GPI: variants seen among roughly 807,000 people sequenced by gnomAD.
GPI encodes D-hexose-6-phosphate anomerase.
GPI carries 56 observed loss-of-function variants against 75.8 expected under a neutral mutation model. The observed-to-expected ratio is 0.74, with a 90% CI of 0.60 to 0.92. GPI has a LOEUF of 0.92. Among genes scored for constraint, GPI ranks in the 40% least tolerant of loss-of-function variants. GPI has a pLI of 0.00. For synonymous variants in GPI, 288 were observed against 285.4 expected, an observed-to-expected ratio of 1.01 and a Z score of -0.09; for missense variants, 638 against 741.0, an observed-to-expected ratio of 0.86 and a Z score of 1.61.
intron 12 of GPI, among the ~76,000 whole-genome samples, chr19:34,395,621 T>G (rs1190281331): frequency 6.6e-6 from 1 of 152,158 alleles, no homozygotes; most frequent in South Asian, 2.1e-4. Context: ...TGACCGATTT[T>G]GTCTTTAGGG....
At chr19:34,381,439 T>C (rs770735736) in intron 8 of GPI, 27 bp from the exon 9 acceptor site, 1 of 1,530,734 alleles carries the variant, frequency 6.5e-7, no homozygotes, top group Non-Finnish European at 9.0e-7. Context: ...TCTTTGCATT[T>C]CTCTCCCTTT....
Position 34,381,175 on chromosome 19 carries a change from G to A in GPI, c.751-291G>A, listed in dbSNP as rs1264431424. ...CCTGGGTGAGAGCTGTTGCAGAGCA[G>A]TGTGTGGGCCAGGTCCTCACACGGG... On this transcript the variant is annotated intron_variant, in intron 8 of 17. Transcript: ENST00000356487. 8 of 503,072 alleles carry A rather than the reference G, an allele frequency of 1.6e-5. No individual in the cohort carries two copies. In the Admixed American group the frequency reaches 2.6e-4, roughly 16 times the overall value. 31.2% of individuals were successfully genotyped at this position (503,072 alleles called of 1,614,324 possible).
At chr19:34,396,229 C>T (rs990044783) in intron 12 of GPI, 72 bp from the exon 13 acceptor site, 20 of 1,560,338 alleles carry the variant, frequency 1.3e-5, no homozygotes, top group Middle Eastern at 1.7e-4. Context: ...TGAGCCACTG[C>T]GCTCAGCCTC....
upstream of GPI, among the ~76,000 whole-genome samples, chr19:34,363,072 C>T (rs2074309590): frequency 6.6e-6 from 1 of 152,074 alleles, no homozygotes; most frequent in Non-Finnish European, 1.5e-5. Flanking sequence ...ATCACTTGCA[C>T]CCAAGGATTC....
Position 34,368,578 on chromosome 19 carries a change from C to T in GPI, c.283-5C>T. On this transcript the variant is annotated splice_polypyrimidine_tract_variant and splice_region_variant and intron_variant, in intron 3 of 17. Coordinates refer to ENST00000356487, the MANE Select transcript of GPI (RefSeq NM_000175.5). The stretch of plus-strand genomic sequence containing the variant: ...CAGTCTTTATATCCTGACCGTAATC[C>T]CCAGGGTCGAGCCGTGCTGCACGTG... 6.2e-7 allele frequency: 1 copy of T among 1,614,140 alleles called. No individual in the cohort carries two copies. Among genetic ancestry groups the T allele is most frequent in the Non-Finnish European group, 8.5e-7 (1 of 1,180,018 alleles).
intron 3 of GPI, 91 bp from the exon 4 acceptor site, chr19:34,368,492 A>T: frequency 2.8e-6 from 4 of 1,420,550 alleles, no homozygotes; most frequent in Non-Finnish European, 4.0e-6. Flanking sequence ...TCTAGTGGAT[A>T]GAGGGCCGAG....
At chr19:34,376,880 C>T (rs1458701064) in intron 4 of GPI, among the ~76,000 whole-genome samples, 5 of 151,786 alleles carry the variant, frequency 3.3e-5, no homozygotes, top group African/African-American at 1.2e-4. Context: ...AAACCTCGTC[C>T]CTACTAAAAA....
upstream of GPI, chr19:34,364,974 C>T: frequency 2.6e-6 from 4 of 1,529,608 alleles, no homozygotes; most frequent in Non-Finnish European, 2.6e-6. Context: ...CCCACCCTCC[C>T]CACTGCCACT....
At chr19:34,383,204 C>T (rs373443928) in intron 9 of GPI, among the ~76,000 whole-genome samples, 16 of 152,276 alleles carry the variant, frequency 1.1e-4, no homozygotes, top group East Asian at 9.7e-4. Context: ...GGTCAGCGCA[C>T]GCCACAGGGC....
chr19:34,366,042 GAGTAACTTACGGC>G, intron 1 of GPI: 1 of 617,786 alleles, frequency 1.6e-6, no homozygotes. Flanking sequence ...ATGGGTGCCT[GAGTAACTTACGGC>G]AGAAAGTGGA....
At chr19:34,395,845 G>A (rs1386611274) in intron 12 of GPI, among the ~76,000 whole-genome samples, 1 of 152,152 alleles carries the variant, frequency 6.6e-6, no homozygotes, top group Non-Finnish European at 1.5e-5. Flanking sequence ...GGTGCAGGAA[G>A]GAGCAGGATT....
intron 9 of GPI, among the ~76,000 whole-genome samples, chr19:34,391,926 G>T (rs1216160476): frequency 2.1e-3 from 1 of 484 alleles, no homozygotes; most frequent in Non-Finnish European, 5.2e-3. Flanking sequence ...GAGGATCTGG[G>T]TCTGTCATGT....
At position 34,365,235 on chromosome 19, in the gene GPI, G is replaced by T; in HGVS notation, c.-32G>T. 6.8e-7 allele frequency: 1 copy of T among 1,462,512 alleles called. No homozygotes were observed. The allele number at this position is 1,462,512 out of a possible 1,614,324, so 90.6% of individuals were successfully genotyped here. A position where few individuals can be genotyped will look rare whatever the true frequency, so the allele number is the denominator to read the frequency against. On this transcript the variant is annotated 5_prime_UTR_variant, in exon 1 of 18. Transcript: ENST00000356487. ...GCCGGCGCTCCTTCCTCCTCGGCTC[G>T]CGTCTCACTCAGTGTACCTTCTAGT...
chr19:34,365,468 G>A (rs1453992799), intron 1 of GPI, 80 bp downstream of exon 1: 2 of 1,510,172 alleles, frequency 1.3e-6, no homozygotes, highest in Admixed American at 2.0e-5. Context: ...GGAGGCGGGG[G>A]CAGCGGTGCC....
chr19:34,399,703 T>C lies in GPI; in HGVS notation c.1475-16T>C. On this transcript the variant is annotated splice_polypyrimidine_tract_variant and intron_variant, in intron 16 of 17. Transcript: ENST00000356487. Reference sequence around the variant, plus strand: ...GCTTGTGGAGCCCTGATGTGCCCTGTCTGTCACTTCTGCAGCCATGTATGA... The same window carrying C: ...GCTTGTGGAGCCCTGATGTGCCCTGCCTGTCACTTCTGCAGCCATGTATGA... 2 of 1,614,086 alleles carry C rather than the reference T, an allele frequency of 1.2e-6. No individual in the cohort carries two copies. Among genetic ancestry groups the C allele is most frequent in the South Asian group, 2.2e-5 (2 of 91,076 alleles).
At chr19:34,381,415 C>T (rs2074649444) in intron 8 of GPI, 51 bp from the exon 9 acceptor site, 5 of 1,255,684 alleles carry the variant, frequency 4.0e-6, no homozygotes, top group Non-Finnish European at 5.9e-6. Context: ...GTTCCCATCC[C>T]GCTAGCAAAT....
In GPI at chr19:34,400,341, A is replaced by T; in HGVS notation, c.*305A>T. The T allele has an allele frequency of 1.5e-5, 9 of 595,076 alleles. No homozygotes were observed. The highest frequency in any genetic ancestry group is 2.4e-5 in the Non-Finnish European group (8 of 335,040). The allele number at this position is 595,076 out of a possible 1,614,324, so 36.9% of individuals were successfully genotyped here. ...ATGCCACGGAGGAGGTTGTAGGCTC[A>T]GCCTCTGATTTTTTTTTTCCTGTGA... is the stretch of plus-strand genomic sequence containing the variant. On this transcript the variant is annotated 3_prime_UTR_variant, in exon 18 of 18. Coordinates refer to ENST00000356487, the MANE Select transcript of GPI (RefSeq NM_000175.5).
upstream of GPI, chr19:34,365,159 C>T: frequency 3.2e-6 from 4 of 1,238,148 alleles, no homozygotes; most frequent in Non-Finnish European, 4.0e-6. Context: ...GGGCCGGGCG[C>T]CTGCGCCATA....
rs1188525054 is a variant in GPI, at chr19:34,381,267, T to C, written c.751-199T>C. On this transcript the variant is annotated intron_variant, in intron 8 of 17. Transcript: ENST00000356487. ...CACTGGCGTGCTGGTCATGGACTGA[T>C]CTGGTGTCCAGCTTGGGGTGGGCAG... 6.1e-6 allele frequency: 4 copies of C among 657,910 alleles called. No homozygotes were observed. The African/African-American group carries it at 7.2e-5, about 12-fold the overall frequency. The allele number at this position is 657,910 out of a possible 1,614,324, so 40.8% of individuals were successfully genotyped here.
Sources: allele counts gnomAD v4.1 joint callset (sites outside exome capture counted in the v4.1 genomes callset), GRCh38; gene constraint gnomAD v4.1.1; transcripts MANE v1.5; gene names NCBI Gene and HGNC (gene_info 2026-07-23, HGNC 2026-07-21).